The following CENPP variants were observed in gnomAD, a reference collection of about 807,000 sequenced individuals.
CENPP encodes centromere protein P.
A neutral mutation model predicts 35.6 loss-of-function variants in CENPP; 24 were observed. The ratio of observed to expected loss-of-function variants is 0.67; its 90% CI spans 0.49 to 0.95. The LOEUF is 0.95. Ranked by LOEUF, CENPP falls within the 40% of genes least tolerant of loss-of-function variation. The probability of loss-of-function intolerance (pLI) is 0.00; values close to 1 mark genes in which losing one functional copy is unlikely to be tolerated. For missense variants in CENPP, 332 were observed against 345.3 expected (o/e 0.96, Z 0.31); for synonymous variants, 120 against 125.5 (o/e 0.96, Z 0.29).
At chr9:92,573,393 C>T (rs1424364244) in intron 5 of CENPP, among the ~76,000 whole-genome samples, 2 of 152,204 alleles carry the variant, frequency 1.3e-5, no homozygotes, top group Admixed American at 6.5e-5. Context: ...TGGGTATCAC[C>T]AGCGGATGCT....
At chr9:92,554,664 G>T (rs774572045) in intron 5 of CENPP, among the ~76,000 whole-genome samples, 1 of 151,400 alleles carries the variant, frequency 6.6e-6, no homozygotes, top group Non-Finnish European at 1.5e-5. Context: ...CCGAGATGGA[G>T]TCTTGATCTG....
At chr9:92,602,860 G>A (rs1235810424) in intron 5 of CENPP, among the ~76,000 whole-genome samples, 2 of 137,366 alleles carry the variant, frequency 1.5e-5, no homozygotes, top group African/African-American at 2.6e-5. Flanking sequence ...GCGCAATTTC[G>A]GCTCACTGCA....
rs769508554 is a variant in CENPP at position 92,417,110 on chromosome 9, T to C, written c.564+37251T>C. On this transcript the variant is annotated intron_variant, in intron 5 of 7. Transcript: ENST00000375587. ...AAATGGAAATTCTTCTAAATTATTA[T>C]GCTCTAGATGAAGTTGTAGTAGATT... The C allele has an allele frequency of 5.0e-6, 8 of 1,613,650 alleles. No individual in the cohort carries two copies. The Admixed American group carries it at 1.3e-4, about 27-fold the overall frequency.
intron 5 of CENPP, among the ~76,000 whole-genome samples, chr9:92,576,945 A>G (rs1014366416): frequency 6.6e-6 from 1 of 152,232 alleles, no homozygotes; most frequent in Admixed American, 6.5e-5. Context: ...AAACAAATGT[A>G]AGTGTTAAAT....
At chr9:92,452,022 T>A (rs1490406607) in intron 5 of CENPP, among the ~76,000 whole-genome samples, 1 of 149,130 alleles carries the variant, frequency 6.7e-6, no homozygotes, top group Non-Finnish European at 1.5e-5. Context: ...GTTTTCTAGA[T>A]ATACAATCAT....
intron 1 of CENPP, among the ~76,000 whole-genome samples, chr9:92,326,475 C>G (rs538878944): frequency 6.6e-6 from 1 of 152,322 alleles, no homozygotes; most frequent in Admixed American, 6.5e-5. Context: ...ACCATCTCAA[C>G]TGATAATGAC....
chr9:92,509,267 C>G (rs1012286083), intron 5 of CENPP, among the ~76,000 whole-genome samples: 8 of 152,052 alleles, frequency 5.3e-5, no homozygotes, highest in African/African-American at 1.9e-4. Context: ...CAGCCCAAGC[C>G]CTCTCAGGCA....
intron 5 of CENPP, among the ~76,000 whole-genome samples, chr9:92,553,092 A>G (rs2131330864): frequency 6.6e-6 from 1 of 152,232 alleles, no homozygotes; most frequent in South Asian, 2.1e-4. Flanking sequence ...TTTGTATAAA[A>G]TGAGAGATGA....
At chr9:92,496,373 G>T in intron 5 of CENPP, 1 of 1,607,966 alleles carries the variant, frequency 6.2e-7, no homozygotes, top group East Asian at 2.2e-5. Flanking sequence ...GCATGAAAAT[G>T]TGTAAGATGG....
chr9:92,479,827 T>G (rs1845849026), intron 5 of CENPP, among the ~76,000 whole-genome samples: 1 of 152,208 alleles, frequency 6.6e-6, no homozygotes, highest in Non-Finnish European at 1.5e-5. Flanking sequence ...AGTCTCTTGC[T>G]GGGTCTCTTC....
chr9:92,451,826 T>C (rs1237782229), intron 5 of CENPP, among the ~76,000 whole-genome samples: 49 of 149,794 alleles, frequency 3.3e-4, no homozygotes, highest in Non-Finnish European at 6.1e-4. Context: ...CCCTTGTAAG[T>C]TGGATTCCTA....
chr9:92,522,485 TTCTCCCTC>T (rs1458518195), intron 5 of CENPP: 8 of 1,232,002 alleles, frequency 6.5e-6, no homozygotes, highest in Middle Eastern at 2.0e-4. Flanking sequence ...CATGGAGATG[TTCTCCCTC>T]TCTCCCTCTC....
intron 5 of CENPP, among the ~76,000 whole-genome samples, chr9:92,511,251 G>A (rs1410380589): frequency 1.3e-5 from 2 of 151,822 alleles, no homozygotes; most frequent in East Asian, 1.9e-4. Flanking sequence ...TCAGCCTCCC[G>A]AGTAGCTGGG....
intron 5 of CENPP, chr9:92,456,898 C>T: frequency 1.0e-6 from 1 of 981,322 alleles, no homozygotes; most frequent in African/African-American, 1.8e-5. Flanking sequence ...GTTTTTCTAA[C>T]AGCAAATGAA....
intron 5 of CENPP, among the ~76,000 whole-genome samples, chr9:92,457,836 CTTT>C (rs1219943324): frequency 6.6e-6 from 1 of 152,002 alleles, no homozygotes; most frequent in East Asian, 1.9e-4. Flanking sequence ...GTAATGTTTA[CTTT>C]TATAAACATA....
At chr9:92,427,636 A>G (rs1217285246) in intron 5 of CENPP, among the ~76,000 whole-genome samples, 1 of 151,008 alleles carries the variant, frequency 6.6e-6, no homozygotes, top group African/African-American at 2.4e-5. Context: ...ATGTGCCACC[A>G]TGTCTGGCTA....
At chr9:92,442,709 C>A (rs575102208) in intron 5 of CENPP, among the ~76,000 whole-genome samples, 1 of 151,704 alleles carries the variant, frequency 6.6e-6, no homozygotes, top group African/African-American at 2.4e-5. Context: ...ATTAGCCAGG[C>A]GTGGTGGTGG....
At chr9:92,466,548 CTTG>C (rs760165232) in intron 5 of CENPP, 26 of 1,613,862 alleles carry the variant, frequency 1.6e-5, no homozygotes, top group South Asian at 2.2e-5. Flanking sequence ...TCTTCGTTAG[CTTG>C]TTGTTGTTCA....
intron 5 of CENPP, among the ~76,000 whole-genome samples, chr9:92,577,225 G>T (rs959697489): frequency 2.0e-5 from 3 of 152,014 alleles, no homozygotes; most frequent in African/African-American, 7.2e-5. Context: ...CAAGAAACAC[G>T]CACAGGGGCT....
Sources: allele counts gnomAD v4.1 joint callset (sites outside exome capture counted in the v4.1 genomes callset), GRCh38; gene constraint gnomAD v4.1.1; transcripts MANE v1.5; gene names NCBI Gene and HGNC (gene_info 2026-07-23, HGNC 2026-07-21).